The following MSH4 variants were observed in gnomAD, a reference collection of about 807,000 sequenced individuals.
MSH4 encodes the protein mutS homolog 4, also known as mutS protein homolog 4.
Under a neutral mutation model 113.7 loss-of-function variants are expected in MSH4, and 106 were observed. The observed-to-expected ratio is 0.93, with a 90% CI of 0.80 to 1.10. The LOEUF is 1.10. Ranked by LOEUF, MSH4 falls within the 50% of genes least tolerant of loss-of-function variation. MSH4 has a pLI of 0.00. For synonymous variants in MSH4, 368 were observed against 380.2 expected (o/e 0.97, Z 0.37); for missense variants, 1,061 against 1,093.7 (o/e 0.97, Z 0.42).
intron 3 of MSH4, among the ~76,000 whole-genome samples, chr1:75,807,712 T>C (rs887507135): frequency 6.6e-6 from 1 of 152,152 alleles, no homozygotes; most frequent in Admixed American, 6.5e-5. Context: ...GATAGACTTG[T>C]GGATTTAAGT....
At chr1:75,860,169 A>G (rs1229646115) in intron 8 of MSH4, among the ~76,000 whole-genome samples, 1 of 151,504 alleles carries the variant, frequency 6.6e-6, no homozygotes, top group African/African-American at 2.4e-5. Context: ...TGCATGTGTG[A>G]TGGGTCTCCT....
At chr1:75,861,251 A>G (rs1399405773) in intron 8 of MSH4, among the ~76,000 whole-genome samples, 1 of 152,156 alleles carries the variant, frequency 6.6e-6, no homozygotes, top group Non-Finnish European at 1.5e-5. Context: ...CGACCTTCTG[A>G]AGCCTACTTC....
chr1:75,837,312 G>A (rs1424470304), intron 7 of MSH4, among the ~76,000 whole-genome samples: 1 of 151,626 alleles, frequency 6.6e-6, no homozygotes, highest in Non-Finnish European at 1.5e-5. Context: ...ATTTTTTATA[G>A]CAGCTTGAAT....
At chr1:75,895,961 C>T (rs1043291913) in intron 17 of MSH4, among the ~76,000 whole-genome samples, 1 of 151,900 alleles carries the variant, frequency 6.6e-6, no homozygotes, top group African/African-American at 2.4e-5. Context: ...TCATGGGGTG[C>T]CCAGACATTT....
intron 5 of MSH4, 113 bp downstream of exon 5, chr1:75,815,249 A>G: frequency 1.8e-6 from 1 of 571,424 alleles, no homozygotes; most frequent in Non-Finnish European, 2.9e-6. Context: ...CCACAAGGGC[A>G]GGGACTTTTG....
In MSH4 at chr1:75,816,373, G is replaced by T; in HGVS notation, c.816G>T (p.Lys272Asn). Residue 272 changes from lysine (K) to asparagine (N), a missense_variant and splice_region_variant, in exon 6 of 20, where the codon AAG (lysine) becomes AAT (asparagine). By Grantham distance (94) the Lys-to-Asn change is moderately conservative (BLOSUM62 0). Coordinates refer to ENST00000263187, the MANE Select transcript of MSH4 (RefSeq NM_002440.4). The part of the protein sequence containing the change: ...FSTVLMEVQS[K>N]YYCLAAVAAL... ...TGATGTATTATTGGTCATCTTTTAG[G>T]TATTACTGCCTTGCAGCTGTTGCAG... 1.3e-6 allele frequency: 2 copies of T among 1,594,644 alleles called. No homozygotes were observed. The highest frequency in any genetic ancestry group is 1.7e-6 in the Non-Finnish European group (2 of 1,168,088).
intron 7 of MSH4, among the ~76,000 whole-genome samples, chr1:75,843,239 G>A (rs1270878076): frequency 9.2e-5 from 14 of 152,018 alleles, no homozygotes; most frequent in Non-Finnish European, 1.9e-4. Context: ...CCAGACATTC[G>A]GGGCCACTAC....
chr1:75,863,800 C>A (rs977470712), intron 8 of MSH4, among the ~76,000 whole-genome samples: 4 of 152,130 alleles, frequency 2.6e-5, no homozygotes, highest in Admixed American at 2.0e-4. Flanking sequence ...TAAGAGTATT[C>A]TTTTCTTTCT....
At chr1:75,804,753 C>A (rs1157236378) in intron 2 of MSH4, among the ~76,000 whole-genome samples, 1 of 151,888 alleles carries the variant, frequency 6.6e-6, no homozygotes, top group African/African-American at 2.4e-5. Flanking sequence ...TCATGATCCA[C>A]CCACCTTGGC....
At chr1:75,860,163 T>A (rs1263917802) in intron 8 of MSH4, among the ~76,000 whole-genome samples, 1 of 152,138 alleles carries the variant, frequency 6.6e-6, no homozygotes, top group Admixed American at 6.5e-5. Flanking sequence ...TGTCTTTGCA[T>A]GTGTGATGGG....
At chr1:75,859,716 G>A (rs1439122730) in intron 8 of MSH4, among the ~76,000 whole-genome samples, 1 of 152,164 alleles carries the variant, frequency 6.6e-6, no homozygotes, top group African/African-American at 2.4e-5. Flanking sequence ...GTGATATGGT[G>A]CTGAGAAGAA....
chr1:75,846,004 T>C (rs775064023), intron 7 of MSH4, among the ~76,000 whole-genome samples: 1 of 152,220 alleles, frequency 6.6e-6, no homozygotes, highest in Non-Finnish European at 1.5e-5. Context: ...ACACAGCTTA[T>C]ACCTTCTGGA....
chr1:75,829,269 G>T (rs1185251934), intron 7 of MSH4, among the ~76,000 whole-genome samples: 1 of 152,186 alleles, frequency 6.6e-6, no homozygotes, highest in Non-Finnish European at 1.5e-5. Context: ...GCTTGAGTAG[G>T]TAAACAAAGC....
At chr1:75,877,069 A>G (rs1413465242) in intron 10 of MSH4, 69 bp downstream of exon 10, 1 of 1,052,020 alleles carries the variant, frequency 9.5e-7, no homozygotes, top group Non-Finnish European at 1.4e-6. Flanking sequence ...CTGATTTTAA[A>G]GACTCTAATT....
At chr1:75,798,631 A>G (rs949443526) in intron 1 of MSH4, among the ~76,000 whole-genome samples, 2 of 148,736 alleles carry the variant, frequency 1.3e-5, no homozygotes, top group Admixed American at 1.4e-4. Context: ...GTCATGACTC[A>G]CTGCAGCCTC....
Position 75,867,608 on chromosome 1 carries a change from C to T in MSH4, c.1305+20C>T, listed in dbSNP as rs370088627. The T allele has an allele frequency of 2.4e-5, 34 of 1,423,448 alleles. No homozygotes were observed. The highest frequency in any genetic ancestry group is 7.3e-5 in the African/African-American group (5 of 68,936). The allele number at this position is 1,423,448 out of a possible 1,614,324, so 88.2% of individuals were successfully genotyped here. ...TTAAAGGTAATTTATGTGTGTGTATCGTACAAAACATGTCCAGCATTATTT... is the reference window on the plus strand; with the variant it reads ...TTAAAGGTAATTTATGTGTGTGTATTGTACAAAACATGTCCAGCATTATTT... On this transcript the variant is annotated intron_variant, in intron 9 of 19. Coordinates refer to ENST00000263187, the MANE Select transcript of MSH4 (RefSeq NM_002440.4).
intron 9 of MSH4, among the ~76,000 whole-genome samples, chr1:75,873,148 AT>A (rs569083391): frequency 6.6e-6 from 1 of 152,020 alleles, no homozygotes; most frequent in African/African-American, 2.4e-5. Context: ...CACCAGGGAC[AT>A]TTTTTTTCCA....
chr1:75,842,768 T>A (rs1248416411), intron 7 of MSH4, among the ~76,000 whole-genome samples: 1 of 152,084 alleles, frequency 6.6e-6, no homozygotes, highest in African/African-American at 2.4e-5. Context: ...AGCGGTAGCA[T>A]AAGTGTCAAG....
intron 7 of MSH4, among the ~76,000 whole-genome samples, chr1:75,840,859 A>G (rs969158186): frequency 1.3e-5 from 2 of 152,150 alleles, no homozygotes; most frequent in Non-Finnish European, 2.9e-5. Context: ...AATAATTTTG[A>G]TGCAATGTGA....
Sources: gnomAD v4.1 joint callset for allele counts (sites outside exome capture counted in the v4.1 genomes callset) on GRCh38, gnomAD v4.1.1 for gene constraint, MANE v1.5 for transcripts, NCBI Gene and HGNC (gene_info 2026-07-23, HGNC 2026-07-21) for gene names.